PHC2: variants seen among roughly 807,000 people sequenced by gnomAD.
PHC2 encodes polyhomeotic-like protein 2.
A neutral mutation model predicts 87.4 loss-of-function variants in PHC2; 29 were observed. The ratio of observed to expected loss-of-function variants is 0.33; its 90% CI spans 0.25 to 0.45. The LOEUF (loss-of-function observed/expected upper bound fraction) is 0.45. PHC2 is among the 20% of genes least tolerant of loss of function. The pLI is 1.00. For synonymous variants in PHC2, 438 were observed against 461.7 expected (o/e 0.95, Z 0.66); for missense variants, 857 against 1,136.7 (o/e 0.75, Z 3.54).
intron 6 of PHC2, among the ~76,000 whole-genome samples, chr1:33,367,882 G>T (rs1297049831): frequency 1.3e-5 from 2 of 152,172 alleles, no homozygotes; most frequent in Non-Finnish European, 2.9e-5. Context: ...TCTTGTCTCA[G>T]AATAAGGTTG....
rs754412417 is a variant in PHC2, at chr1:33,334,057, T to TA, written c.1761+32dup. ...TTCTAAGACACATCCAAAATATACT[T>TA]AAAAAAAAAAGGGGAAAAGAAGTAG... On this transcript the variant is annotated intron_variant, in intron 10 of 14. Transcript: ENST00000683057. The surrounding 1 kb of genome is among the most constrained non-coding windows in gnomAD (Gnocchi z 5.5). The TA allele has an allele frequency of 0.011, 13,494 of 1,234,896 alleles. No individual in the cohort carries two copies. Among genetic ancestry groups the TA allele is most frequent in the Non-Finnish European group, 0.012 (11,049 of 905,008 alleles). The allele number at this position is 1,234,896 out of a possible 1,614,324, so 76.5% of individuals were successfully genotyped here.
chr1:33,397,353 G>T (rs1649336451), intron 1 of PHC2, among the ~76,000 whole-genome samples: 1 of 152,190 alleles, frequency 6.6e-6, no homozygotes, highest in Non-Finnish European at 1.5e-5. Flanking sequence ...TGTTGAAAAT[G>T]CAGAATCTTG....
chr1:33,410,127 C>T (rs1315262863), intron 1 of PHC2, among the ~76,000 whole-genome samples: 1 of 152,194 alleles, frequency 6.6e-6, no homozygotes. Flanking sequence ...AAATGAATGC[C>T]TGGAATGAGC....
Position 33,324,909 on chromosome 1 carries a change from C to T in PHC2, c.2536G>A (p.Ala846Thr), listed in dbSNP as rs761929335. 4.3e-6 allele frequency: 7 copies of T among 1,613,690 alleles called. No individual in the cohort carries two copies. The highest frequency in any genetic ancestry group is 1.1e-5 in the South Asian group (1 of 91,018). The change falls in exon 15 of 15, where the codon GCC (alanine) becomes ACC (threonine). Residue 846 changes from alanine to threonine, a missense_variant. Around this residue, in one of 3 missense-constraint regions of PHC2, gnomAD observed 22 missense variants for 36.0 expected, o/e 0.61. Transcript: ENST00000683057. ...CTGATGCGGGCGTAGATCTTCAGGG[C>T]GGGCCCCAGCTTGATGTTCATGGCG... ...MSAMNIKLGP[A>T]LKIYARISML...
At chr1:33,427,109 T>C (rs945986656) in intron 1 of PHC2, among the ~76,000 whole-genome samples, 1 of 152,148 alleles carries the variant, frequency 6.6e-6, no homozygotes, top group Admixed American at 6.5e-5. Context: ...GTGCCACTCA[T>C]TAGCTATGTG....
intron 14 of PHC2, 84 bp from the exon 15 acceptor site, chr1:33,325,103 T>C: frequency 1.4e-5 from 17 of 1,233,758 alleles, no homozygotes; most frequent in Non-Finnish European, 1.9e-5. Context: ...TATCTAGATC[T>C]AGTTATCTGC....
chr1:33,368,095 G>A lies in PHC2; in HGVS notation c.663+441C>T, dbSNP rs144345085. 8.5e-5 allele frequency among the ~76,000 whole-genome samples: 13 copies of A among 152,308 alleles called. No individual in the cohort carries two copies. Among genetic ancestry groups the A allele is most frequent in the African/African-American group, 2.9e-4 (12 of 41,580 alleles). ...CTGCCCACAGAATCTTCCCAGCCAC[G>A]GTAGTATCTGTGCGCTCCTAGCAGA... On this transcript the variant is annotated intron_variant, in intron 6 of 14. Transcript: ENST00000683057. The surrounding 1 kb of genome is among the most constrained non-coding windows in gnomAD (Gnocchi z 6.6).
At chr1:33,424,450 T>C (rs1238734635) in intron 1 of PHC2, among the ~76,000 whole-genome samples, 1 of 152,208 alleles carries the variant, frequency 6.6e-6, no homozygotes, top group Non-Finnish European at 1.5e-5. Context: ...AAAGTTTCCC[T>C]AGCAACCATA....
chr1:33,378,544 T>C (rs1037756184), intron 1 of PHC2, among the ~76,000 whole-genome samples: 2 of 152,118 alleles, frequency 1.3e-5, no homozygotes, highest in East Asian at 1.9e-4. Flanking sequence ...AATGGGAAAA[T>C]AGGGCAGAAA....
intron 1 of PHC2, among the ~76,000 whole-genome samples, chr1:33,406,043 C>G (rs535223450): frequency 1.3e-5 from 2 of 152,126 alleles, no homozygotes; most frequent in African/African-American, 2.4e-5. Flanking sequence ...CATATTCTTA[C>G]TGGGGCTTTT....
In PHC2 at chr1:33,324,896, T is replaced by C; in HGVS notation, c.2549A>G (p.Tyr850Cys). ...GTCCTTGAGCATGCTGATGCGGGCGTAGATCTTCAGGGCGGGCCCCAGCTT... is the reference window on the plus strand; with the variant it reads ...GTCCTTGAGCATGCTGATGCGGGCGCAGATCTTCAGGGCGGGCCCCAGCTT... ...NIKLGPALKI[Y>C]ARISMLKDS Residue 850 changes from tyrosine to cysteine, a missense_variant, in exon 15 of 15, where the codon TAC becomes TGC. Around this residue, in one of 3 missense-constraint regions of PHC2, gnomAD observed 22 missense variants for 36.0 expected, o/e 0.61. Coordinates refer to ENST00000683057, the MANE Select transcript of PHC2 (RefSeq NM_001385109.1). 1.9e-6 allele frequency: 3 copies of C among 1,613,726 alleles called. No individual in the cohort carries two copies. Among genetic ancestry groups the C allele is most frequent in the Admixed American group, 1.7e-5 (1 of 59,988 alleles).
At chr1:33,366,262 G>A (rs1055266558) in intron 7 of PHC2, among the ~76,000 whole-genome samples, 7 of 152,172 alleles carry the variant, frequency 4.6e-5, no homozygotes, top group East Asian at 1.9e-4. Flanking sequence ...CATGTGCTTC[G>A]CCACTCTATT....
chr1:33,370,902 A>G lies in PHC2; in HGVS notation c.411+115T>C, dbSNP rs974103193. 3.4e-6 allele frequency: 3 copies of G among 881,910 alleles called. No individual in the cohort carries two copies. The African/African-American group carries it at 4.9e-5, about 15-fold the overall frequency. 54.6% of individuals were successfully genotyped at this position (881,910 alleles called of 1,614,324 possible). ...TTTCTTTTTCTTCCCGGTAAGGGCAATAGATTCCAGCCATGATGCTACATG... is the reference window on the plus strand; with the variant it reads ...TTTCTTTTTCTTCCCGGTAAGGGCAGTAGATTCCAGCCATGATGCTACATG... On this transcript the variant is annotated intron_variant, in intron 4 of 14. Transcript: ENST00000683057.
chr1:33,416,497 A>G (rs959159143), intron 1 of PHC2, among the ~76,000 whole-genome samples: 16 of 148,942 alleles, frequency 1.1e-4, no homozygotes, highest in Non-Finnish European at 1.6e-4. Context: ...AATGGCGTGA[A>G]CCCAGGAGGC....
At chr1:33,365,567 A>G (rs1647401696) in intron 7 of PHC2, among the ~76,000 whole-genome samples, 1 of 152,110 alleles carries the variant, frequency 6.6e-6, no homozygotes, top group Non-Finnish European at 1.5e-5. Flanking sequence ...AACGCATTGA[A>G]AGAGCCCCCA....
At chr1:33,416,093 A>C (rs1415306861) in intron 1 of PHC2, among the ~76,000 whole-genome samples, 3 of 152,200 alleles carry the variant, frequency 2.0e-5, no homozygotes, top group Admixed American at 1.3e-4. Flanking sequence ...AGGGAACATA[A>C]AAAAATATTT....
intron 7 of PHC2, among the ~76,000 whole-genome samples, chr1:33,362,474 T>C (rs1647217218): frequency 6.6e-6 from 1 of 151,942 alleles, no homozygotes; most frequent in African/African-American, 2.4e-5. Flanking sequence ...ACAGCTGAAA[T>C]GTATGGGGAG....
At chr1:33,412,335 C>G (rs1650016498) in intron 1 of PHC2, among the ~76,000 whole-genome samples, 1 of 152,104 alleles carries the variant, frequency 6.6e-6, no homozygotes, top group Admixed American at 6.5e-5. Flanking sequence ...GGCCCTGGAG[C>G]CTTTCTCTTA....
At chr1:33,340,955 G>A (rs4564102) in intron 9 of PHC2, among the ~76,000 whole-genome samples, 107,383 of 150,100 alleles carry the variant, frequency 0.72, 39,189 homozygotes, top group African/African-American at 0.86. Context: ...TTTGGATCAC[G>A]GGGCACTAGA....
Sources: gnomAD v4.1 joint callset for allele counts (sites outside exome capture counted in the v4.1 genomes callset) on GRCh38, gnomAD v4.1.1 for gene constraint, gnomAD v4.1.1 regional missense constraint, Gnocchi (gnomAD v3.1) non-coding constraint, MANE v1.5 for transcripts, NCBI Gene and HGNC (gene_info 2026-07-23, HGNC 2026-07-21) for gene names.